PAK5: variants seen among roughly 807,000 people sequenced by gnomAD.
The protein encoded by PAK5 is serine/threonine-protein kinase PAK 5.
In PAK5, 16 loss-of-function variants were observed where a neutral mutation model predicts 65.9. That is an observed-to-expected ratio of 0.24 (90% CI 0.16 to 0.37). The LOEUF (loss-of-function observed/expected upper bound fraction) is 0.37. Among genes scored for constraint, PAK5 ranks in the 10% least tolerant of loss-of-function variants. The pLI is 1.00. For missense variants in PAK5, 785 were observed against 903.9 expected, an observed-to-expected ratio of 0.87 and a Z score of 1.69; for synonymous variants, 371 against 354.9, an observed-to-expected ratio of 1.05 and a Z score of -0.51.
chr20:9,573,331 T>C (rs554134496), intron 4 of PAK5, among the ~76,000 whole-genome samples: 4 of 152,262 alleles, frequency 2.6e-5, no homozygotes, highest in African/African-American at 7.2e-5. Flanking sequence ...TCTCTAAAGA[T>C]AGGGTCAGAC....
chr20:9,556,305 G>C (rs2045505730), intron 7 of PAK5, among the ~76,000 whole-genome samples: 1 of 152,224 alleles, frequency 6.6e-6, no homozygotes, highest in South Asian at 2.1e-4. Context: ...GGGATTAGGA[G>C]TGATCTTTGT....
At chr20:9,699,911 T>C (rs981311700) in intron 2 of PAK5, among the ~76,000 whole-genome samples, 4 of 152,164 alleles carry the variant, frequency 2.6e-5, no homozygotes, top group African/African-American at 4.8e-5. Flanking sequence ...AAGAACCTCC[T>C]TCAAATTACT....
intron 3 of PAK5, among the ~76,000 whole-genome samples, chr20:9,604,281 G>C (rs1339870937): frequency 6.6e-6 from 1 of 152,192 alleles, no homozygotes; most frequent in African/African-American, 2.4e-5. Context: ...TGTCATTAGG[G>C]GGAAGGTGCT....
chr20:9,570,010 C>A (rs2045750068), intron 4 of PAK5, among the ~76,000 whole-genome samples: 1 of 152,162 alleles, frequency 6.6e-6, no homozygotes, highest in Non-Finnish European at 1.5e-5. Flanking sequence ...TAATTTTAGT[C>A]AAGTCAACCT....
chr20:9,738,880 G>A (rs745923320), intron 1 of PAK5, among the ~76,000 whole-genome samples: 4 of 113,638 alleles, frequency 3.5e-5, no homozygotes, highest in Non-Finnish European at 5.6e-5. Flanking sequence ...TTTTTTTAAG[G>A]AGAGTAAACA....
At chr20:9,822,819 T>C (rs1459631715) in intron 1 of PAK5, among the ~76,000 whole-genome samples, 1 of 152,244 alleles carries the variant, frequency 6.6e-6, no homozygotes, top group Non-Finnish European at 1.5e-5. Flanking sequence ...TAACATTCTC[T>C]GGGAACAGCC....
chr20:9,747,684 T>C (rs2048524910), intron 1 of PAK5, among the ~76,000 whole-genome samples: 1 of 151,506 alleles, frequency 6.6e-6, no homozygotes, highest in Non-Finnish European at 1.5e-5. Flanking sequence ...TGGGACGTAT[T>C]TCAAAATAAT....
chr20:9,652,447 AT>A, intron 2 of PAK5, among the ~76,000 whole-genome samples: 1 of 152,224 alleles, frequency 6.6e-6, no homozygotes, highest in Non-Finnish European at 1.5e-5. Context: ...AAAAAAAATC[AT>A]TATGTGTCAA....
intron 2 of PAK5, among the ~76,000 whole-genome samples, chr20:9,653,871 A>T (rs1235292242): frequency 6.6e-6 from 1 of 152,100 alleles, no homozygotes; most frequent in Non-Finnish European, 1.5e-5. Flanking sequence ...TCCAGCTTCT[A>T]GAAGTCACTT....
At position 9,684,746 on chromosome 20, in the gene PAK5, A is replaced by C. The variant is rs529898995; in HGVS notation, c.-12+26540T>G. On this transcript the variant is annotated intron_variant, in intron 2 of 9. Transcript: ENST00000353224. ...TCTTCAGTTAGGCATTAGTATTTTT[A>C]AGCCTCTTAATAGCTTTTCCTCCTC... Among the ~76,000 whole-genome samples, 4 of 152,346 alleles carry C rather than the reference A, an allele frequency of 2.6e-5. No homozygotes were observed. The South Asian group carries it at 8.3e-4, about 32-fold the overall frequency.
chr20:9,802,568 T>C (rs1324927298), intron 1 of PAK5, among the ~76,000 whole-genome samples: 2 of 152,114 alleles, frequency 1.3e-5, no homozygotes, highest in African/African-American at 2.4e-5. Context: ...CATTTTTGTG[T>C]TTTGATTTTT....
At chr20:9,685,454 T>A (rs763634792) in intron 2 of PAK5, among the ~76,000 whole-genome samples, 6 of 152,078 alleles carry the variant, frequency 3.9e-5, no homozygotes, top group Non-Finnish European at 7.4e-5. Context: ...CCACAAATAA[T>A]CATGAAGAAA....
intron 3 of PAK5, among the ~76,000 whole-genome samples, chr20:9,622,420 CATG>C (rs1266991767): frequency 6.6e-6 from 1 of 152,202 alleles, no homozygotes; most frequent in Non-Finnish European, 1.5e-5. Flanking sequence ...TGGACATTTA[CATG>C]ATCACAGAAA....
At chr20:9,721,186 C>T (rs2048208598) in intron 1 of PAK5, among the ~76,000 whole-genome samples, 1 of 152,098 alleles carries the variant, frequency 6.6e-6, no homozygotes, top group Non-Finnish European at 1.5e-5. Flanking sequence ...AGACGTCTCT[C>T]TGTGGCACAG....
intron 2 of PAK5, among the ~76,000 whole-genome samples, chr20:9,679,546 T>C (rs922417159): frequency 1.3e-5 from 2 of 152,180 alleles, no homozygotes; most frequent in Non-Finnish European, 2.9e-5. Context: ...ACTCCTGGCA[T>C]AGTAATTCTC....
intron 2 of PAK5, among the ~76,000 whole-genome samples, chr20:9,688,247 G>T (rs533853350): frequency 1.0e-3 from 157 of 152,158 alleles, no homozygotes; most frequent in African/African-American, 3.6e-3. Flanking sequence ...AGAGTCCCAT[G>T]AGAAGCCAGC....
chr20:9,590,722 C>T (rs115715756), intron 3 of PAK5, among the ~76,000 whole-genome samples: 1,694 of 152,230 alleles, frequency 0.011, 29 homozygotes, highest in African/African-American at 0.037. Flanking sequence ...TTACTGTCTG[C>T]AGTTCTGTCA....
At chr20:9,648,912 T>C (rs1444157617) in intron 2 of PAK5, among the ~76,000 whole-genome samples, 3 of 152,140 alleles carry the variant, frequency 2.0e-5, no homozygotes, top group African/African-American at 7.2e-5. Context: ...AATTACAAAC[T>C]GTGTCACTGA....
rs184416254 is a variant in PAK5, at chr20:9,540,140, T to G, written c.2005-523A>C. 2.0e-5 allele frequency among the ~76,000 whole-genome samples: 3 copies of G among 152,292 alleles called. No individual in the cohort carries two copies. In the East Asian group the frequency reaches 5.8e-4, roughly 29 times the overall value. On this transcript the variant is annotated intron_variant, in intron 9 of 9. Coordinates refer to ENST00000353224, the MANE Select transcript of PAK5 (RefSeq NM_177990.4). ...TTTATGTATATATTTAGAGATGAGG[T>G]CTCACTATGTTGCCCAGGCTCAAAC... is the stretch of plus-strand genomic sequence containing the variant.
Sources: gnomAD v4.1 joint callset for allele counts (sites outside exome capture counted in the v4.1 genomes callset) on GRCh38, gnomAD v4.1.1 for gene constraint, MANE v1.5 for transcripts, NCBI Gene and HGNC (gene_info 2026-07-23, HGNC 2026-07-21) for gene names.